Variants in SH3RF3 observed in about 807,000 individuals in gnomAD.
SH3RF3 encodes the protein SH3 domain containing ring finger 3.
In SH3RF3, 29 loss-of-function variants were observed where a neutral mutation model predicts 66.3. That is an observed-to-expected ratio of 0.44 (90% CI 0.33 to 0.60). SH3RF3 has a LOEUF of 0.60. Among genes scored for constraint, SH3RF3 ranks in the 20% least tolerant of loss-of-function variants. The pLI is 0.04. For synonymous variants in SH3RF3, 583 were observed against 532.0 expected (o/e 1.10, Z -1.32); for missense variants, 1,194 against 1,190.9 (o/e 1.00, Z -0.04).
intron 1 of SH3RF3, among the ~76,000 whole-genome samples, chr2:109,321,866 T>TCCCACTG (rs1480354766): frequency 6.6e-6 from 1 of 152,182 alleles, no homozygotes; most frequent in African/African-American, 2.4e-5. Context: ...TCCAGTGGAT[T>TCCCACTG]CCCACTGCTT....
chr2:109,433,538 C>G (rs1177926599), intron 6 of SH3RF3, among the ~76,000 whole-genome samples: 3 of 152,220 alleles, frequency 2.0e-5, no homozygotes, highest in Non-Finnish European at 4.4e-5. Flanking sequence ...GACACACACA[C>G]AGAAGCGAAA....
At chr2:109,448,722 G>T (rs1303487756) in intron 7 of SH3RF3, among the ~76,000 whole-genome samples, 1 of 152,144 alleles carries the variant, frequency 6.6e-6, no homozygotes, top group Non-Finnish European at 1.5e-5. Context: ...AGTAATAATA[G>T]AAATAAAGTA....
At chr2:109,431,883 G>T (rs1274683038) in intron 5 of SH3RF3, among the ~76,000 whole-genome samples, 1 of 152,078 alleles carries the variant, frequency 6.6e-6, no homozygotes, top group Non-Finnish European at 1.5e-5. Flanking sequence ...AAAAAAAAAG[G>T]TCAAGTAATT....
At chr2:109,253,586 T>C (rs1467295210) in intron 1 of SH3RF3, among the ~76,000 whole-genome samples, 1 of 152,222 alleles carries the variant, frequency 6.6e-6, no homozygotes, top group East Asian at 1.9e-4. Context: ...AGCAAATTCT[T>C]ATTCTGACTA....
At chr2:109,378,771 C>T (rs1238538243) in intron 3 of SH3RF3, among the ~76,000 whole-genome samples, 1 of 152,208 alleles carries the variant, frequency 6.6e-6, no homozygotes, top group African/African-American at 2.4e-5. Context: ...GAGGCTTCCA[C>T]TCTGGAAGTT....
At chr2:109,316,589 G>A (rs1681888417) in intron 1 of SH3RF3, among the ~76,000 whole-genome samples, 1 of 152,194 alleles carries the variant, frequency 6.6e-6, no homozygotes, top group Admixed American at 6.5e-5. Context: ...GCAAGATTGA[G>A]CAGAAGGTAC....
intron 1 of SH3RF3, among the ~76,000 whole-genome samples, chr2:109,345,892 T>C (rs922124791): frequency 2.0e-5 from 3 of 152,200 alleles, no homozygotes; most frequent in African/African-American, 7.2e-5. Context: ...CCCTGGTCTT[T>C]ACTTGTTACA....
chr2:109,168,057 C>T (rs1349824500), intron 1 of SH3RF3, among the ~76,000 whole-genome samples: 1 of 152,210 alleles, frequency 6.6e-6, no homozygotes, highest in Non-Finnish European at 1.5e-5. Context: ...GTGGGACTTT[C>T]ATTTACTAAA....
intron 1 of SH3RF3, among the ~76,000 whole-genome samples, chr2:109,249,588 C>CTTTCTTTT (rs1187569893): frequency 4.5e-5 from 6 of 134,506 alleles, no homozygotes; most frequent in African/African-American, 1.8e-4. Context: ...TCCTTCCTTT[C>CTTTCTTTT]CTTTCTTTCT....
At chr2:109,384,764 G>A (rs1193918108) in intron 3 of SH3RF3, among the ~76,000 whole-genome samples, 2 of 152,084 alleles carry the variant, frequency 1.3e-5, no homozygotes, top group Non-Finnish European at 2.9e-5. Context: ...TAAAAGTTTC[G>A]AGCTCTGGTC....
At chr2:109,131,997 T>C (rs1050091934) in intron 1 of SH3RF3, among the ~76,000 whole-genome samples, 1 of 152,240 alleles carries the variant, frequency 6.6e-6, no homozygotes, top group Non-Finnish European at 1.5e-5. Context: ...TGTAATAGCA[T>C]ATCAGGCATT....
intron 1 of SH3RF3, among the ~76,000 whole-genome samples, chr2:109,200,303 C>T (rs1236738978): frequency 6.6e-6 from 1 of 152,152 alleles, no homozygotes; most frequent in Non-Finnish European, 1.5e-5. Context: ...TGCTCAGAGG[C>T]CTTCCCAGAC....
intron 1 of SH3RF3, among the ~76,000 whole-genome samples, chr2:109,345,858 G>T (rs921301815): frequency 6.6e-6 from 1 of 152,198 alleles, no homozygotes. Context: ...GCTGTCCTGG[G>T]CATTGCAGGG....
rs1679439258 is a variant in SH3RF3, at chr2:109,503,098, TTCCC to T, written c.*1428_*1431del. On this transcript the variant is annotated 3_prime_UTR_variant, in exon 10 of 10. Coordinates refer to ENST00000309415, the MANE Select transcript of SH3RF3 (RefSeq NM_001099289.3). ...TATATTCATTAGCACCATGGCTCAC[TTCCC>T]AGGAAGACTGATCAGGAGCCCTTCA... is the stretch of plus-strand genomic sequence containing the variant. 1 of 152,192 alleles carries T rather than the reference TTCCC, an allele frequency of 6.6e-6. No individual in the cohort carries two copies. Among genetic ancestry groups the T allele is most frequent in the Admixed American group, 6.5e-5 (1 of 15,282 alleles). 9.4% of individuals were successfully genotyped at this position (152,192 alleles called of 1,614,324 possible).
intron 1 of SH3RF3, among the ~76,000 whole-genome samples, chr2:109,205,993 T>G (rs1470926958): frequency 6.6e-6 from 1 of 152,196 alleles, no homozygotes; most frequent in Admixed American, 6.5e-5. Context: ...CAAAAGTGTT[T>G]CAAGGCCAAG....
At chr2:109,394,062 C>T (rs894750754) in intron 3 of SH3RF3, among the ~76,000 whole-genome samples, 7 of 152,134 alleles carry the variant, frequency 4.6e-5, no homozygotes, top group Non-Finnish European at 8.8e-5. Context: ...CCCAGCCCCA[C>T]CCTCGGACGC....
At chr2:109,138,417 G>C (rs2104821507) in intron 1 of SH3RF3, among the ~76,000 whole-genome samples, 1 of 152,350 alleles carries the variant, frequency 6.6e-6, no homozygotes, top group African/African-American at 2.4e-5. Flanking sequence ...TGGGAGTTTA[G>C]CTGTAAAAGA....
chr2:109,270,794 A>G (rs1032056422), intron 1 of SH3RF3, among the ~76,000 whole-genome samples: 3 of 152,210 alleles, frequency 2.0e-5, no homozygotes, highest in African/African-American at 7.2e-5. Flanking sequence ...ATACCTGCCC[A>G]TGGAAAACCA....
At chr2:109,327,553 T>A (rs1449257777) in intron 1 of SH3RF3, among the ~76,000 whole-genome samples, 1 of 152,256 alleles carries the variant, frequency 6.6e-6, no homozygotes, top group Non-Finnish European at 1.5e-5. Context: ...GCATTTGAAC[T>A]ATACATCAAG....
Sources: allele counts gnomAD v4.1 joint callset (sites outside exome capture counted in the v4.1 genomes callset), GRCh38; gene constraint gnomAD v4.1.1; transcripts MANE v1.5; gene names NCBI Gene and HGNC (gene_info 2026-07-23, HGNC 2026-07-21).